MIPOL1: variants seen among roughly 807,000 people sequenced by gnomAD.
MIPOL1 encodes the protein mirror-image polydactyly gene 1 protein.
In MIPOL1, 57 loss-of-function variants were observed where a neutral mutation model predicts 60.9. That is an observed-to-expected ratio of 0.94 (90% CI 0.76 to 1.17). The LOEUF is 1.17. MIPOL1 is among the 50% of genes most tolerant of loss of function. MIPOL1 has a pLI of 0.00. For synonymous variants in MIPOL1, 179 were observed against 168.8 expected, an observed-to-expected ratio of 1.06 and a Z score of -0.47; for missense variants, 551 against 511.6, an observed-to-expected ratio of 1.08 and a Z score of -0.74.
intron 1 of MIPOL1, among the ~76,000 whole-genome samples, chr14:37,230,955 A>G (rs755497806): frequency 6.6e-5 from 10 of 152,138 alleles, no homozygotes; most frequent in African/African-American, 2.2e-4. Flanking sequence ...ATCTCTATCT[A>G]TCTATCTATA....
At chr14:37,302,205 T>C (rs997719423) in intron 7 of MIPOL1, among the ~76,000 whole-genome samples, 1 of 149,122 alleles carries the variant, frequency 6.7e-6, no homozygotes, top group African/African-American at 2.5e-5. Flanking sequence ...ATACTAGCAA[T>C]GAATCAGAGT....
chr14:37,354,647 T>A (rs930899596), intron 9 of MIPOL1, among the ~76,000 whole-genome samples: 1 of 59,516 alleles, frequency 1.7e-5, no homozygotes, highest in African/African-American at 6.4e-5. Flanking sequence ...AATTGATCCC[T>A]TTACCATTAT....
At chr14:37,262,944 C>G (rs1315631647) in intron 3 of MIPOL1, among the ~76,000 whole-genome samples, 1 of 152,144 alleles carries the variant, frequency 6.6e-6, no homozygotes, top group Non-Finnish European at 1.5e-5. Context: ...AATTTCCCAG[C>G]CTCTGAGAAT....
intron 10 of MIPOL1, among the ~76,000 whole-genome samples, chr14:37,388,437 G>T (rs1371020300): frequency 3.3e-5 from 5 of 150,788 alleles, no homozygotes; most frequent in African/African-American, 9.7e-5. Context: ...TAGTTGAAAA[G>T]ACCAAGGACA....
At chr14:37,208,909 C>A (rs920845356) in intron 1 of MIPOL1, among the ~76,000 whole-genome samples, 1 of 152,008 alleles carries the variant, frequency 6.6e-6, no homozygotes, top group Admixed American at 6.6e-5. Context: ...CTACTTCTGG[C>A]GTTATCATTA....
intron 12 of MIPOL1, among the ~76,000 whole-genome samples, chr14:37,540,488 T>G (rs2095525392): frequency 6.6e-6 from 1 of 152,200 alleles, no homozygotes; most frequent in East Asian, 1.9e-4. Flanking sequence ...TATGTATCTT[T>G]CGGTTGTGGC....
intron 10 of MIPOL1, among the ~76,000 whole-genome samples, chr14:37,402,258 T>C (rs1053871831): frequency 6.6e-6 from 1 of 152,158 alleles, no homozygotes; most frequent in South Asian, 2.1e-4. Flanking sequence ...TGAAAACATT[T>C]AATGAAAGCT....
At chr14:37,269,839 T>A (rs1008857924) in intron 5 of MIPOL1, among the ~76,000 whole-genome samples, 14 of 152,240 alleles carry the variant, frequency 9.2e-5, no homozygotes, top group Middle Eastern at 6.8e-3. Flanking sequence ...TATTATTATT[T>A]TTTTTGAGAT....
At chr14:37,268,129 C>T (rs2083019531) in intron 4 of MIPOL1, among the ~76,000 whole-genome samples, 1 of 152,122 alleles carries the variant, frequency 6.6e-6, no homozygotes, top group Non-Finnish European at 1.5e-5. Context: ...TAATATTTTG[C>T]AGCATACTAT....
chr14:37,509,785 G>A (rs1242158327), intron 12 of MIPOL1, among the ~76,000 whole-genome samples: 1 of 148,808 alleles, frequency 6.7e-6, no homozygotes, highest in Non-Finnish European at 1.5e-5. Flanking sequence ...GTATATACAT[G>A]TATGTATATC....
At chr14:37,342,049 T>C (rs774477728) in intron 9 of MIPOL1, among the ~76,000 whole-genome samples, 46 of 151,946 alleles carry the variant, frequency 3.0e-4, no homozygotes, top group Admixed American at 6.6e-4. Flanking sequence ...TCACCAAGAG[T>C]TGATTGACTA....
intron 10 of MIPOL1, among the ~76,000 whole-genome samples, chr14:37,413,215 G>C (rs1463384904): frequency 6.6e-6 from 1 of 151,482 alleles, no homozygotes; most frequent in Non-Finnish European, 1.5e-5. Flanking sequence ...AGTTTAAAAA[G>C]GAATATAAAT....
chr14:37,512,768 A>G (rs1157151952), intron 12 of MIPOL1, among the ~76,000 whole-genome samples: 6 of 152,156 alleles, frequency 3.9e-5, no homozygotes, highest in Admixed American at 3.9e-4. Context: ...GAATCAAAGA[A>G]TAAGTTTCAT....
At chr14:37,419,758 A>G (rs1441303766) in intron 10 of MIPOL1, among the ~76,000 whole-genome samples, 1 of 150,560 alleles carries the variant, frequency 6.6e-6, no homozygotes, top group African/African-American at 2.4e-5. Context: ...TTTCTTTTTT[A>G]GAGACAGGGT....
chr14:37,215,160 C>G (rs1447061802), intron 1 of MIPOL1, among the ~76,000 whole-genome samples: 3 of 152,144 alleles, frequency 2.0e-5, no homozygotes, highest in Non-Finnish European at 4.4e-5. Context: ...TCCGCCTTGG[C>G]TGCCCAACAG....
intron 9 of MIPOL1, among the ~76,000 whole-genome samples, chr14:37,331,752 G>T (rs555844448): frequency 7.6e-4 from 115 of 151,996 alleles, no homozygotes; most frequent in African/African-American, 2.7e-3. Context: ...GTTCGAGTAT[G>T]CTTTATATCT....
intron 7 of MIPOL1, among the ~76,000 whole-genome samples, chr14:37,296,983 C>G (rs182534004): frequency 1.3e-5 from 2 of 152,244 alleles, no homozygotes; most frequent in South Asian, 2.1e-4. Context: ...GATACCAAAG[C>G]CTGGCAGAGA....
intron 3 of MIPOL1, among the ~76,000 whole-genome samples, chr14:37,258,261 T>G (rs1975293907): frequency 1.3e-5 from 2 of 152,140 alleles, no homozygotes; most frequent in South Asian, 4.1e-4. Context: ...AAAATTTATC[T>G]TTTATAGATT....
At chr14:37,350,971 A>T (rs1302639263) in intron 9 of MIPOL1, among the ~76,000 whole-genome samples, 1 of 151,628 alleles carries the variant, frequency 6.6e-6, no homozygotes, top group Non-Finnish European at 1.5e-5. Context: ...GGTTAGTTAC[A>T]TATGTATACA....
Sources: allele counts gnomAD v4.1 joint callset (sites outside exome capture counted in the v4.1 genomes callset), GRCh38; gene constraint gnomAD v4.1.1; transcripts MANE v1.5; gene names NCBI Gene and HGNC (gene_info 2026-07-23, HGNC 2026-07-21).